MAGI2: variants seen among roughly 807,000 people sequenced by gnomAD.
MAGI2 encodes membrane-associated guanylate kinase, WW and PDZ domain-containing protein 2.
MAGI2 carries 35 observed loss-of-function variants against 133.3 expected under a neutral mutation model. The ratio of observed to expected loss-of-function variants is 0.26; its 90% CI spans 0.20 to 0.35. The LOEUF (loss-of-function observed/expected upper bound fraction) is 0.35, where lower values mean the gene tolerates loss of function less well. Among genes scored for constraint, MAGI2 ranks in the 10% least tolerant of loss-of-function variants. The pLI is 1.00. For missense variants in MAGI2, 1,636 were observed against 1,863.4 expected, an observed-to-expected ratio of 0.88 and a Z score of 2.25; for synonymous variants, 729 against 710.6, an observed-to-expected ratio of 1.03 and a Z score of -0.41.
chr7:78,193,397 A>G (rs1828421815), intron 12 of MAGI2, among the ~76,000 whole-genome samples: 1 of 152,120 alleles, frequency 6.6e-6, no homozygotes, highest in Admixed American at 6.5e-5. Flanking sequence ...CTTACTCTCT[A>G]TTTGTTTACA....
At chr7:78,890,637 T>A (rs574148116) in intron 2 of MAGI2, among the ~76,000 whole-genome samples, 46 of 152,152 alleles carry the variant, frequency 3.0e-4, no homozygotes, top group African/African-American at 1.0e-3. Flanking sequence ...ACTGGGAACA[T>A]AACGAAATGA....
At position 78,426,355 on chromosome 7, in the gene MAGI2, G is replaced by A. The variant is rs144869782; in HGVS notation, c.1046-57142C>T. Among the ~76,000 whole-genome samples the A allele has an allele frequency of 7.2e-3, 1,088 of 151,882 alleles. 11 individuals are homozygous for A. Among genetic ancestry groups the A allele is most frequent in the African/African-American group, 0.025 (1,023 of 41,346 alleles). On this transcript the variant is annotated intron_variant, in intron 6 of 21. Coordinates refer to ENST00000354212, the MANE Select transcript of MAGI2 (RefSeq NM_012301.4). ...TATCATTCTCAGTAAACTATCGCAA[G>A]AACAAAAAACCAAACACCGCATATT... is the stretch of plus-strand genomic sequence containing the variant.
At chr7:78,568,943 C>T (rs772798575) in intron 3 of MAGI2, among the ~76,000 whole-genome samples, 1 of 152,226 alleles carries the variant, frequency 6.6e-6, no homozygotes, top group South Asian at 2.1e-4. Context: ...CCGTTCTGCA[C>T]ATGCTCTTCC....
At chr7:78,194,688 A>G (rs1222759875) in intron 12 of MAGI2, among the ~76,000 whole-genome samples, 186 bp downstream of exon 12, 1 of 152,210 alleles carries the variant, frequency 6.6e-6, no homozygotes, top group Non-Finnish European at 1.5e-5. Context: ...AAGGCAAAAG[A>G]TATAATAAAC....
intron 21 of MAGI2, chr7:78,072,857 C>T: frequency 2.5e-6 from 1 of 398,436 alleles, no homozygotes; most frequent in Non-Finnish European, 4.4e-6. Flanking sequence ...GACAAGGTCT[C>T]CCTATGTTGC....
At chr7:79,171,913 G>A (rs1825665658) in intron 1 of MAGI2, among the ~76,000 whole-genome samples, 1 of 151,058 alleles carries the variant, frequency 6.6e-6, no homozygotes. Flanking sequence ...TGGTTCACAT[G>A]TAAAAATCTG....
At chr7:78,645,642 T>TGTG (rs768096718) in intron 2 of MAGI2, among the ~76,000 whole-genome samples, 10 of 78,066 alleles carry the variant, frequency 1.3e-4, no homozygotes, top group Non-Finnish European at 2.1e-4. Context: ...ATAAGTGTGG[T>TGTG]GTGTGTGTGT....
intron 1 of MAGI2, among the ~76,000 whole-genome samples, chr7:79,299,892 CTCTT>C (rs1307072748): frequency 3.9e-5 from 6 of 152,092 alleles, no homozygotes; most frequent in Admixed American, 2.0e-4. Context: ...ACTCCCCTCA[CTCTT>C]TCTCTCTTGT....
intron 2 of MAGI2, among the ~76,000 whole-genome samples, chr7:78,793,788 T>A (rs939389611): frequency 1.3e-5 from 2 of 151,986 alleles, no homozygotes; most frequent in African/African-American, 2.4e-5. Context: ...GTTCAAAGAG[T>A]CTGTAAAGCC....
intron 1 of MAGI2, among the ~76,000 whole-genome samples, chr7:79,378,924 GTGTATATATATATATATATA>G (rs1350893642): frequency 0.021 from 992 of 48,236 alleles, 24 homozygotes; most frequent in Middle Eastern, 0.053. Context: ...ATATGTGTGT[GTGTATATATATATATATATA>G]TATATATATA....
intron 1 of MAGI2, among the ~76,000 whole-genome samples, chr7:79,218,140 A>G (rs1483781372): frequency 6.6e-6 from 1 of 152,048 alleles, no homozygotes; most frequent in Non-Finnish European, 1.5e-5. Flanking sequence ...AATTTTCTGA[A>G]GTTGCCCATT....
At chr7:79,020,988 C>T (rs543122534) in intron 1 of MAGI2, among the ~76,000 whole-genome samples, 2 of 152,330 alleles carry the variant, frequency 1.3e-5, no homozygotes, top group East Asian at 3.9e-4. Flanking sequence ...TGCTTCAGCT[C>T]CAGCTGTGGC....
At chr7:78,656,882 C>A (rs1187453415) in intron 2 of MAGI2, among the ~76,000 whole-genome samples, 1 of 150,512 alleles carries the variant, frequency 6.6e-6, no homozygotes, top group African/African-American at 2.4e-5. Flanking sequence ...AGACAAGCCA[C>A]AGACTGAGAG....
chr7:78,705,789 A>C (rs552026667), intron 2 of MAGI2, among the ~76,000 whole-genome samples: 15 of 152,270 alleles, frequency 9.9e-5, no homozygotes, highest in African/African-American at 3.6e-4. Flanking sequence ...TTGACTTAAC[A>C]TTTCCAGGCA....
chr7:79,198,182 A>G (rs1828259256), intron 1 of MAGI2, among the ~76,000 whole-genome samples: 1 of 151,786 alleles, frequency 6.6e-6, no homozygotes, highest in Non-Finnish European at 1.5e-5. Flanking sequence ...TAGCTCAGAA[A>G]GTTGAGGGTG....
chr7:78,770,904 C>T (rs1372489043), intron 2 of MAGI2: 2 of 152,338 alleles, frequency 1.3e-5, no homozygotes, highest in Admixed American at 1.3e-4. Context: ...CCCACCTTTC[C>T]ATGGTCCTCA....
intron 6 of MAGI2, among the ~76,000 whole-genome samples, chr7:78,465,680 G>A (rs1790549538): frequency 6.6e-6 from 1 of 152,104 alleles, no homozygotes; most frequent in South Asian, 2.1e-4. Context: ...CTATGAAAGA[G>A]GCTCTAAATG....
chr7:78,705,866 T>C (rs1006106939), intron 2 of MAGI2, among the ~76,000 whole-genome samples: 2 of 152,034 alleles, frequency 1.3e-5, no homozygotes, highest in East Asian at 3.9e-4. Flanking sequence ...AACTGTTTGT[T>C]CCTAGTTTTT....
At chr7:79,239,462 C>T (rs1288929036) in intron 1 of MAGI2, among the ~76,000 whole-genome samples, 2 of 152,154 alleles carry the variant, frequency 1.3e-5, no homozygotes, top group African/African-American at 2.4e-5. Context: ...CTCATCTTTT[C>T]ATTCATTTAT....
Sources: gnomAD v4.1 joint callset for allele counts (sites outside exome capture counted in the v4.1 genomes callset) on GRCh38, gnomAD v4.1.1 for gene constraint, MANE v1.5 for transcripts, NCBI Gene and HGNC (gene_info 2026-07-23, HGNC 2026-07-21) for gene names.